HAO2: variants seen among roughly 807,000 people sequenced by gnomAD.
HAO2 encodes hydroxyacid oxidase 2.
Under a neutral mutation model 37.4 loss-of-function variants are expected in HAO2, and 42 were observed. That is an observed-to-expected ratio of 1.12 (90% CI 0.88 to 1.45). The LOEUF is 1.45. HAO2 is among the 40% of genes most tolerant of loss of function. HAO2 has a pLI of 0.00. For synonymous variants in HAO2, 180 were observed against 162.8 expected (o/e 1.11, Z -0.81); for missense variants, 476 against 430.2 (o/e 1.11, Z -0.94).
At position 119,381,232 on chromosome 1, in the gene HAO2, G is replaced by A. The variant is rs1649913074; in HGVS notation, c.131+16G>A. On this transcript the variant is annotated intron_variant, in intron 2 of 7. Coordinates refer to ENST00000325945, the MANE Select transcript of HAO2 (RefSeq NM_016527.4). ...CATTTAAAAGGTGTGGTCTTCTGTA[G>A]CCTGTCTATTGTTAGGTTAAGGTGC... 1 of 1,598,396 alleles carries A rather than the reference G, an allele frequency of 6.3e-7. No individual in the cohort carries two copies.
chr1:119,384,702 A>T (rs999452228), intron 3 of HAO2, 74 bp from the exon 4 acceptor site: 1 of 1,247,498 alleles, frequency 8.0e-7, no homozygotes, highest in Non-Finnish European at 1.1e-6. Context: ...CAGAGGCTAC[A>T]CAGACTCCCA....
chr1:119,376,006 T>C (rs1649425337), intron 1 of HAO2, among the ~76,000 whole-genome samples: 1 of 152,190 alleles, frequency 6.6e-6, no homozygotes, highest in Admixed American at 6.5e-5. Context: ...ACAAATCTCA[T>C]GTCCTCACAT....
At chr1:119,374,109 T>G (rs968629570) in intron 1 of HAO2, among the ~76,000 whole-genome samples, 1 of 152,228 alleles carries the variant, frequency 6.6e-6, no homozygotes, top group Non-Finnish European at 1.5e-5. Context: ...CCCTTTTTAC[T>G]CTGAGGGCTG....
chr1:119,392,320 T>C (rs1570800288), intron 6 of HAO2, 52 bp downstream of exon 6: 1 of 1,432,302 alleles, frequency 7.0e-7, no homozygotes, highest in African/African-American at 1.4e-5. Context: ...CTCATTCATT[T>C]CTGTGCTTTC....
chr1:119,378,839 C>G (rs1481880023), intron 1 of HAO2, among the ~76,000 whole-genome samples: 1 of 151,996 alleles, frequency 6.6e-6, no homozygotes, highest in African/African-American at 2.4e-5. Flanking sequence ...AATTCTCATC[C>G]AATAATGAAG....
chr1:119,383,022 T>A lies in HAO2; in HGVS notation c.239T>A (p.Phe80Tyr), dbSNP rs41306185. The part of the protein sequence containing the change: ...SAPICIAPTG[F>Y]HCLVWPDGEM... The stretch of plus-strand genomic sequence containing the variant: ...CCTATTTGTATCGCACCCACAGGGT[T>A]CCACTGCCTTGTCTGGCCTGATGGG... The change falls in exon 3 of 8, where the codon TTC becomes TAC. Residue 80 changes from phenylalanine (F) to tyrosine (Y), a missense_variant. By Grantham distance (22) the Phe-to-Tyr change is conservative (BLOSUM62 3). Coordinates refer to ENST00000325945, the MANE Select transcript of HAO2 (RefSeq NM_016527.4). 1.9e-3 allele frequency: 3,001 copies of A among 1,613,240 alleles called. 7 individuals carry two copies. Among genetic ancestry groups the A allele is most frequent in the Middle Eastern group, 0.017 (103 of 6,060 alleles).
chr1:119,390,256 A>G (rs1420052112), intron 5 of HAO2, among the ~76,000 whole-genome samples: 2 of 148,558 alleles, frequency 1.3e-5, no homozygotes, highest in Non-Finnish European at 2.9e-5. Flanking sequence ...TATTATTTGG[A>G]TTTATTTTTT....
At chr1:119,383,841 C>T (rs903238742) in intron 3 of HAO2, among the ~76,000 whole-genome samples, 2 of 152,064 alleles carry the variant, frequency 1.3e-5, no homozygotes, top group African/African-American at 4.8e-5. Flanking sequence ...GATTCTAGAG[C>T]TGAATGTGAC....
intron 1 of HAO2, chr1:119,380,457 T>G (rs1202333127): frequency 4.4e-6 from 2 of 457,020 alleles, no homozygotes; most frequent in Non-Finnish European, 7.8e-6. Context: ...AGCCAAGAAT[T>G]ACAAAGTAAA....
intron 7 of HAO2, 35 bp from the exon 8 acceptor site, chr1:119,393,749 GA>G: frequency 6.2e-7 from 1 of 1,602,984 alleles, no homozygotes; most frequent in Non-Finnish European, 8.5e-7. Context: ...GCTTGTGTTT[GA>G]CAAAAATGAG....
intron 6 of HAO2, 55 bp downstream of exon 6, chr1:119,392,323 G>A (rs1431486063): frequency 7.2e-7 from 1 of 1,387,114 alleles, no homozygotes; most frequent in Non-Finnish European, 1.0e-6. Flanking sequence ...ATTCATTTCT[G>A]TGCTTTCCTG....
intron 1 of HAO2, among the ~76,000 whole-genome samples, chr1:119,370,711 T>C (rs1307786788): frequency 6.6e-6 from 1 of 152,200 alleles, no homozygotes; most frequent in Non-Finnish European, 1.5e-5. Context: ...CATTAGTTCC[T>C]TGGGCACAGT....
rs1650428639 is a variant in HAO2, at chr1:119,386,885, T to G, written c.771+54T>G. ...TGTTTGTGAGTGCTGTGTGTGTATGTGTGAGTGTGTCCACATCAAGGGACT... is the reference window on the plus strand; with the variant it reads ...TGTTTGTGAGTGCTGTGTGTGTATGGGTGAGTGTGTCCACATCAAGGGACT... On this transcript the variant is annotated intron_variant, in intron 5 of 7. Coordinates refer to ENST00000325945, the MANE Select transcript of HAO2 (RefSeq NM_016527.4). 27 of 1,074,958 alleles carry G rather than the reference T, an allele frequency of 2.5e-5. No homozygotes were observed. In the South Asian group the frequency reaches 3.3e-4, roughly 13 times the overall value. The allele number at this position is 1,074,958 out of a possible 1,614,324, so 66.6% of individuals were successfully genotyped here.
chr1:119,385,357 G>A (rs1650295291), intron 4 of HAO2: 4 of 984,314 alleles, frequency 4.1e-6, no homozygotes, highest in African/African-American at 1.7e-5. Flanking sequence ...ATTTTTGCAC[G>A]AACTGGAGAG....
intron 4 of HAO2, among the ~76,000 whole-genome samples, chr1:119,386,336 C>T (rs1318378259): frequency 6.6e-6 from 1 of 152,134 alleles, no homozygotes; most frequent in Non-Finnish European, 1.5e-5. Flanking sequence ...ACTTCAGCCT[C>T]CCGAGTAGCT....
intron 3 of HAO2, among the ~76,000 whole-genome samples, chr1:119,383,493 T>G (rs1650130173): frequency 6.6e-6 from 1 of 152,194 alleles, no homozygotes; most frequent in African/African-American, 2.4e-5. Context: ...CATTAGGTCC[T>G]AACACAAGGC....
rs188643863 is a variant in HAO2 at position 119,387,205 on chromosome 1, G to A, written c.771+374G>A. 1.6e-4 allele frequency among the ~76,000 whole-genome samples: 24 copies of A among 152,186 alleles called. No homozygotes were observed. In the East Asian group the frequency reaches 3.9e-3, roughly 24 times the overall value. The stretch of plus-strand genomic sequence containing the variant: ...TAGACAGATGTTCTAAAGTAAACAC[G>A]TTTCATGGCAAAACTCTAAAAACAC... On this transcript the variant is annotated intron_variant, in intron 5 of 7. Coordinates refer to ENST00000325945, the MANE Select transcript of HAO2 (RefSeq NM_016527.4).
intron 7 of HAO2, 81 bp downstream of exon 7, chr1:119,392,768 G>C: frequency 1.1e-6 from 1 of 879,548 alleles, no homozygotes; most frequent in South Asian, 1.3e-5. Flanking sequence ...CCCTCTAGCA[G>C]ACCCTTTCCT....
intron 1 of HAO2, among the ~76,000 whole-genome samples, chr1:119,373,553 C>A (rs181719661): frequency 6.6e-6 from 1 of 152,174 alleles, no homozygotes; most frequent in East Asian, 1.9e-4. Flanking sequence ...GTGTGGGAGG[C>A]AGGACAATGG....
Sources: gnomAD v4.1 joint callset for allele counts (sites outside exome capture counted in the v4.1 genomes callset) on GRCh38, gnomAD v4.1.1 for gene constraint, MANE v1.5 for transcripts, NCBI Gene and HGNC (gene_info 2026-07-23, HGNC 2026-07-21) for gene names.